The following RUVBL1 variants were observed in gnomAD, a reference collection of about 807,000 sequenced individuals.
RUVBL1 encodes ruvB-like 1.
A neutral mutation model predicts 52.4 loss-of-function variants in RUVBL1; 4 were observed. The ratio of observed to expected loss-of-function variants is 0.08; its 90% CI spans 0.04 to 0.17. The LOEUF (loss-of-function observed/expected upper bound fraction) is 0.17, where lower values mean the gene tolerates loss of function less well. RUVBL1 is among the 10% of genes least tolerant of loss of function. The probability of loss-of-function intolerance (pLI) is 1.00; values close to 1 mark genes in which losing one functional copy is unlikely to be tolerated. For synonymous variants in RUVBL1, 217 were observed against 214.4 expected (o/e 1.01, Z -0.10); for missense variants, 298 against 572.8 (o/e 0.52, Z 4.90).
intron 8 of RUVBL1, 80 bp downstream of exon 8, chr3:128,097,220 G>T: frequency 7.4e-7 from 1 of 1,356,992 alleles, no homozygotes; most frequent in East Asian, 2.4e-5. Flanking sequence ...CCACCTCATG[G>T]GGTTTGGAGA....
downstream of RUVBL1, among the ~76,000 whole-genome samples, chr3:128,079,285 G>A (rs141922268): frequency 2.2e-4 from 33 of 152,358 alleles, no homozygotes; most frequent in African/African-American, 7.0e-4. Context: ...CCTAGCTGCT[G>A]CTAAATGCCA....
Position 128,098,865 on chromosome 3 carries a change from C to T in RUVBL1, c.817+17G>A, listed in dbSNP as rs982813398. 1.2e-6 allele frequency: 2 copies of T among 1,612,370 alleles called. No individual in the cohort carries two copies. Among genetic ancestry groups the T allele is most frequent in the African/African-American group, 2.7e-5 (2 of 74,898 alleles). ...TCCGCCCTGCCCCTTGCTCACAGGG[C>T]ACACTGGTTCTCCTACCTGTGATTT... is the stretch of plus-strand genomic sequence containing the variant. On this transcript the variant is annotated intron_variant, in intron 7 of 10. Coordinates refer to ENST00000322623, the MANE Select transcript of RUVBL1 (RefSeq NM_003707.3).
chr3:128,065,356 AC>A, intron 9 of RUVBL1: 1 of 580,362 alleles, frequency 1.7e-6, no homozygotes, highest in Non-Finnish European at 3.0e-6. Flanking sequence ...TAGCTCTGAA[AC>A]CTCATTGCTC....
At chr3:128,098,453 A>G (rs1943033878) in intron 7 of RUVBL1, among the ~76,000 whole-genome samples, 1 of 152,176 alleles carries the variant, frequency 6.6e-6, no homozygotes, top group Non-Finnish European at 1.5e-5. Context: ...CAGCAGGTTA[A>G]ATAAAGGTTC....
chr3:128,105,984 C>A (rs540472351), intron 3 of RUVBL1, among the ~76,000 whole-genome samples: 5 of 151,196 alleles, frequency 3.3e-5, no homozygotes, highest in Non-Finnish European at 7.4e-5. Context: ...ATTCTCCTGC[C>A]TCAGCCTCCC....
intron 8 of RUVBL1, among the ~76,000 whole-genome samples, chr3:128,094,844 G>A (rs1430838556): frequency 6.6e-6 from 1 of 152,212 alleles, no homozygotes; most frequent in Non-Finnish European, 1.5e-5. Flanking sequence ...TCTGTGGGAA[G>A]CATATCAGAT....
chr3:128,121,257 G>A (rs1185919799), intron 1 of RUVBL1, among the ~76,000 whole-genome samples: 6 of 151,308 alleles, frequency 4.0e-5, no homozygotes, highest in African/African-American at 9.7e-5. Flanking sequence ...CACCACACCC[G>A]GCTAATTTTT....
At chr3:128,103,606 C>T (rs1475663394) in intron 4 of RUVBL1, among the ~76,000 whole-genome samples, 3 of 152,010 alleles carry the variant, frequency 2.0e-5, no homozygotes, top group South Asian at 2.1e-4. Flanking sequence ...AAACTGAGTC[C>T]CAGAGAGCTC....
At chr3:128,097,251 C>G in intron 8 of RUVBL1, 49 bp downstream of exon 8, 1 of 1,538,342 alleles carries the variant, frequency 6.5e-7, no homozygotes, top group Admixed American at 1.8e-5. Context: ...AACAAATGAG[C>G]CCAGATGGAA....
At chr3:128,098,851 C>T in intron 7 of RUVBL1, 31 bp downstream of exon 7, 1 of 1,605,510 alleles carries the variant, frequency 6.2e-7, no homozygotes, top group South Asian at 1.1e-5. Flanking sequence ...CCGCCCTGCC[C>T]CTTGCTCACA....
intron 3 of RUVBL1, among the ~76,000 whole-genome samples, chr3:128,107,950 C>G (rs1215349443): frequency 6.6e-6 from 1 of 152,200 alleles, no homozygotes; most frequent in Non-Finnish European, 1.5e-5. Flanking sequence ...TCCCGTCTCT[C>G]ACTAGCCCCC....
At position 128,093,696 on chromosome 3, in the gene RUVBL1, T is replaced by C. The variant is rs72986231; in HGVS notation, c.1016+3604A>G. ...AGCTGGGATCAGTGCTGGGCTCTCA[T>C]CTAACAGTTCAGGATCCTGAGCCTG... On this transcript the variant is annotated intron_variant, in intron 8 of 10. Transcript: ENST00000322623. 8.6e-4 allele frequency among the ~76,000 whole-genome samples: 131 copies of C among 152,268 alleles called. 1 individual carries two copies. Among genetic ancestry groups the C allele is most frequent in the African/African-American group, 3.1e-3 (127 of 41,556 alleles).
intron 1 of RUVBL1, among the ~76,000 whole-genome samples, chr3:128,142,412 G>C (rs1243560624): frequency 6.6e-6 from 1 of 152,214 alleles, no homozygotes; most frequent in Non-Finnish European, 1.5e-5. Context: ...GCAGAGCTCT[G>C]ATGAGGTAGG....
rs768324927 is a variant in RUVBL1, at chr3:128,069,633, G to A, written c.940-4413C>T. 31 of 1,614,008 alleles carry A rather than the reference G, an allele frequency of 1.9e-5. No homozygotes were observed. The highest frequency in any genetic ancestry group is 1.0e-4 in the Admixed American group (6 of 60,006). The stretch of plus-strand genomic sequence containing the variant: ...GATCTTCGTTAAGGAGCAAAGCGAG[G>A]TTGGCAGCATGGGGGCCCTGCTCTT... On this transcript the variant is annotated intron_variant, in intron 9 of 9. Coordinates refer to the RUVBL1 transcript ENST00000464873.
At chr3:128,093,504 T>C (rs1942899828) in intron 8 of RUVBL1, among the ~76,000 whole-genome samples, 1 of 152,190 alleles carries the variant, frequency 6.6e-6, no homozygotes, top group Admixed American at 6.5e-5. Flanking sequence ...GTTTTTTTTT[T>C]TGTTGGAACA....
At chr3:128,076,573 G>A (rs1942332217), downstream of RUVBL1, among the ~76,000 whole-genome samples, 1 of 152,164 alleles carries the variant, frequency 6.6e-6, no homozygotes, top group Non-Finnish European at 1.5e-5. The surrounding 1 kb of genome is among the most constrained non-coding windows in gnomAD (Gnocchi z 6.8). Flanking sequence ...TGGACCTGGT[G>A]GCTGAGGCCT....
chr3:128,098,955 A>T lies in RUVBL1; in HGVS notation c.754-10T>A, dbSNP rs1262226359. 6.2e-7 allele frequency: 1 copy of T among 1,612,640 alleles called. No homozygotes were observed. ...GGATATCTTGTCCCCCCTGCATAAGAGAAGACTTAGAGTCAGTGCTGCTTT... is the reference window on the plus strand; with the variant it reads ...GGATATCTTGTCCCCCCTGCATAAGTGAAGACTTAGAGTCAGTGCTGCTTT... On this transcript the variant is annotated splice_polypyrimidine_tract_variant and intron_variant, in intron 6 of 10. Coordinates refer to ENST00000322623, the MANE Select transcript of RUVBL1 (RefSeq NM_003707.3).
At chr3:128,108,638 A>G (rs1048600744) in intron 3 of RUVBL1, among the ~76,000 whole-genome samples, 29 of 152,102 alleles carry the variant, frequency 1.9e-4, no homozygotes, top group African/African-American at 7.0e-4. Context: ...AACAGATTGC[A>G]GTGAGCCAAG....
At chr3:128,086,882 G>A (rs577063128) in intron 9 of RUVBL1, among the ~76,000 whole-genome samples, 5 of 152,320 alleles carry the variant, frequency 3.3e-5, no homozygotes, top group South Asian at 2.1e-4. Context: ...CATCCCTGTC[G>A]TCTCCCAACT....
Sources: allele counts gnomAD v4.1 joint callset (sites outside exome capture counted in the v4.1 genomes callset), GRCh38; gene constraint gnomAD v4.1.1; non-coding constraint Gnocchi (gnomAD v3.1); transcripts MANE v1.5; gene names NCBI Gene and HGNC (gene_info 2026-07-23, HGNC 2026-07-21).